The following RAB3GAP2 variants were observed in gnomAD, a reference collection of about 807,000 sequenced individuals.
RAB3GAP2 encodes the protein RAB3 GTPase activating non-catalytic protein subunit 2.
A neutral mutation model predicts 185.3 loss-of-function variants in RAB3GAP2; 87 were observed. The observed-to-expected ratio is 0.47, with a 90% CI of 0.39 to 0.56. The LOEUF (loss-of-function observed/expected upper bound fraction) is 0.56. Among genes scored for constraint, RAB3GAP2 ranks in the 20% least tolerant of loss-of-function variants. The probability of loss-of-function intolerance (pLI) is 0.00; values close to 1 mark genes in which losing one functional copy is unlikely to be tolerated. For missense variants in RAB3GAP2, 1,492 were observed against 1,638.2 expected (o/e 0.91, Z 1.54); for synonymous variants, 554 against 576.1 (o/e 0.96, Z 0.55).
chr1:220,167,435 T>C (rs748833556), intron 25 of RAB3GAP2, 36 bp from the exon 26 acceptor site: 1 of 1,613,054 alleles, frequency 6.2e-7, no homozygotes, highest in Admixed American at 1.7e-5. Flanking sequence ...GTTATTTTTT[T>C]CCTTAATGAA....
intron 7 of RAB3GAP2, among the ~76,000 whole-genome samples, chr1:220,209,935 T>C (rs1262831516): frequency 6.6e-6 from 1 of 152,240 alleles, no homozygotes; most frequent in African/African-American, 2.4e-5. Context: ...TGAATATATG[T>C]ATTTTCCACT....
At chr1:220,205,779 C>T in intron 8 of RAB3GAP2, 128 bp downstream of exon 8, 1 of 701,606 alleles carries the variant, frequency 1.4e-6, no homozygotes, top group Admixed American at 2.5e-5. Flanking sequence ...CTACAGAAGG[C>T]AGGTTTTTCC....
chr1:220,197,568 A>G (rs532974890), intron 9 of RAB3GAP2, among the ~76,000 whole-genome samples: 69 of 152,300 alleles, frequency 4.5e-4, no homozygotes, highest in Middle Eastern at 6.8e-3. Context: ...TGAATCCATG[A>G]TTCAGTATAC....
At chr1:220,266,966 G>T in intron 1 of RAB3GAP2, 4 of 1,604,352 alleles carry the variant, frequency 2.5e-6, no homozygotes, top group Non-Finnish European at 3.4e-6. Context: ...TCACAGCAAA[G>T]AACTCCAAGG....
intron 17 of RAB3GAP2, among the ~76,000 whole-genome samples, chr1:220,188,519 C>T (rs1223111283): frequency 1.3e-5 from 2 of 151,990 alleles, no homozygotes; most frequent in Non-Finnish European, 2.9e-5. Context: ...TAACCACGAG[C>T]CTGGCAAAAA....
At chr1:220,156,948 A>G (rs1384216629) in intron 31 of RAB3GAP2, among the ~76,000 whole-genome samples, 3 of 152,140 alleles carry the variant, frequency 2.0e-5, no homozygotes, top group Non-Finnish European at 4.4e-5. Context: ...AGACACTCAA[A>G]GAGAGAAGTT....
chr1:220,240,492 A>G (rs1414377517), intron 1 of RAB3GAP2, among the ~76,000 whole-genome samples: 1 of 152,076 alleles, frequency 6.6e-6, no homozygotes, highest in Non-Finnish European at 1.5e-5. Flanking sequence ...AAAATCAAAG[A>G]TTGCATTAAA....
At chr1:220,167,838 A>G (rs1232252669) in intron 24 of RAB3GAP2, among the ~76,000 whole-genome samples, 163 bp from the exon 25 acceptor site, 1 of 152,196 alleles carries the variant, frequency 6.6e-6, no homozygotes, top group Non-Finnish European at 1.5e-5. Flanking sequence ...GTTCCTACCT[A>G]CCACGCAACT....
chr1:220,189,515 A>T lies in RAB3GAP2; in HGVS notation c.1779+188T>A, dbSNP rs1316804994. 2.8e-5 allele frequency among the ~76,000 whole-genome samples: 4 copies of T among 145,374 alleles called. No homozygotes were observed. In the South Asian group the frequency reaches 6.6e-4, roughly 24 times the overall value. ...ATTACAGTTACAGGCATGAATATTAATTTTTTTTTTTTTTTTTAAAGAGAC... is the reference window on the plus strand; with the variant it reads ...ATTACAGTTACAGGCATGAATATTATTTTTTTTTTTTTTTTTTAAAGAGAC... On this transcript the variant is annotated intron_variant, in intron 17 of 34. Coordinates refer to ENST00000358951, the MANE Select transcript of RAB3GAP2 (RefSeq NM_012414.4).
chr1:220,182,731 T>C lies in RAB3GAP2; in HGVS notation c.2199A>G (p.Glu733=). Residue 733 remains glutamate, a synonymous_variant, in exon 20 of 35, where the codon GAA becomes GAG. Coordinates refer to ENST00000358951, the MANE Select transcript of RAB3GAP2 (RefSeq NM_012414.4). ...VLNIKKISEE[E]YVALGSFFFW... ...TATTTTACCTACCTAAAGCCACATA[T>C]TCCTCTTCACTTATTTTCTTTATGT... The C allele has an allele frequency of 6.2e-7, 1 of 1,600,304 alleles. No individual in the cohort carries two copies. Among genetic ancestry groups the C allele is most frequent in the Non-Finnish European group, 8.5e-7 (1 of 1,174,942 alleles).
In RAB3GAP2 at chr1:220,196,286, C is replaced by T; in HGVS notation, c.924G>A (p.Gly308=). ...AGAAGAAGCCAGTAAATGGATTGGA[C>T]CCTACAGTGATATACTGAGACATGG... ...PPAMSQYITV[G]SNPFTGFFYA... is the part of the protein sequence containing the mutation. The change falls in exon 10 of 35, where the codon GGG becomes GGA. Residue 308 remains glycine (G), a synonymous_variant. Transcript: ENST00000358951. The T allele has an allele frequency of 1.2e-6, 2 of 1,613,182 alleles. No homozygotes were observed. The highest frequency in any genetic ancestry group is 8.5e-7 in the Non-Finnish European group (1 of 1,179,358).
At chr1:220,204,688 A>T (rs922504749) in intron 8 of RAB3GAP2, among the ~76,000 whole-genome samples, 16 of 151,606 alleles carry the variant, frequency 1.1e-4, no homozygotes, top group Non-Finnish European at 2.2e-4. Flanking sequence ...GCACCCATTA[A>T]CCTAATCATT....
intron 8 of RAB3GAP2, among the ~76,000 whole-genome samples, chr1:220,202,985 A>G (rs969318197): frequency 6.6e-6 from 1 of 152,154 alleles, no homozygotes; most frequent in African/African-American, 2.4e-5. Context: ...AGTGAATTCA[A>G]ACTGCATGTG....
intron 2 of RAB3GAP2, among the ~76,000 whole-genome samples, chr1:220,214,970 A>ATATATATATATATATATATATATC (rs1659161983): frequency 7.2e-6 from 1 of 139,502 alleles, no homozygotes; most frequent in African/African-American, 2.7e-5. Context: ...ATATATATAT[A>ATATATATATATATATATATATATC]TATATACTTC....
intron 24 of RAB3GAP2, among the ~76,000 whole-genome samples, chr1:220,169,472 G>A (rs1173170566): frequency 3.9e-5 from 6 of 152,182 alleles, no homozygotes; most frequent in African/African-American, 1.4e-4. Context: ...GTTTCCTGGA[G>A]GAGAAGCATT....
chr1:220,245,122 A>C (rs529753088), intron 1 of RAB3GAP2, among the ~76,000 whole-genome samples: 45 of 141,856 alleles, frequency 3.2e-4, no homozygotes, highest in African/African-American at 1.3e-3. Flanking sequence ...ACAAATCAGC[A>C]AGAAAAAAAA....
chr1:220,190,182 T>C (rs752620249), intron 15 of RAB3GAP2, 36 bp from the exon 16 acceptor site: 1 of 1,571,728 alleles, frequency 6.4e-7, no homozygotes, highest in Non-Finnish European at 8.8e-7. Context: ...TTACAGAATG[T>C]GAAATTATTT....
rs950496458 is a variant in RAB3GAP2, at chr1:220,153,991, T to C, written c.3622A>G (p.Asn1208Asp). ...QLLPSGEMDP[N>D]FISVRQQFLL... Reference sequence around the variant, plus strand: ...ACCTGTTGTCGTACAGAAATAAAATTTGGATCCATTTCCCCACTAGGTAAT... The same window carrying C: ...ACCTGTTGTCGTACAGAAATAAAATCTGGATCCATTTCCCCACTAGGTAAT... The change falls in exon 32 of 35, where the codon AAT (asparagine) becomes GAT (aspartate). Residue 1208 changes from asparagine (N) to aspartate (D), a missense_variant. Asn to Asp is a conservative substitution (Grantham distance 23). Transcript: ENST00000358951. 5 of 1,613,476 alleles carry C rather than the reference T, an allele frequency of 3.1e-6. No individual in the cohort carries two copies. The African/African-American group carries it at 5.3e-5, about 17-fold the overall frequency.
Position 220,272,272 on chromosome 1 carries a change from A to T in RAB3GAP2, c.66T>A (p.Phe22Leu). ...TGAGGATCTCCTCCCGCAGGTGAGG[A>T]AAGAGGAAGTCCCGGGCGGCCTGGA... The part of the protein sequence containing the change: ...QDLQAARDFL[F>L]PHLREEILSG... Residue 22 changes from phenylalanine (F) to leucine (L), a missense_variant, in exon 1 of 35, where the codon TTT becomes TTA. Phe to Leu is a conservative substitution (Grantham distance 22, BLOSUM62 0). Transcript: ENST00000358951. 1 of 1,612,240 alleles carries T rather than the reference A, an allele frequency of 6.2e-7. No homozygotes were observed. The highest frequency in any genetic ancestry group is 8.5e-7 in the Non-Finnish European group (1 of 1,179,622).
Sources: gnomAD v4.1 joint callset for allele counts (sites outside exome capture counted in the v4.1 genomes callset) on GRCh38, gnomAD v4.1.1 for gene constraint, MANE v1.5 for transcripts, NCBI Gene and HGNC (gene_info 2026-07-23, HGNC 2026-07-21) for gene names.